The following COL6A3 variants were observed in gnomAD, a reference collection of about 807,000 sequenced individuals.
COL6A3 encodes the protein collagen alpha-3(VI) chain.
A neutral mutation model predicts 274.1 loss-of-function variants in COL6A3; 137 were observed. That is an observed-to-expected ratio of 0.50 (90% confidence interval 0.44 to 0.58). The LOEUF is 0.58. COL6A3 is among the 20% of genes least tolerant of loss of function. COL6A3 has a pLI of 0.00. For missense variants in COL6A3, 3,950 were observed against 4,124.9 expected (o/e 0.96, Z 1.16); for synonymous variants, 1,650 against 1,650.6 (o/e 1.00, Z 0.01).
In COL6A3 at chr2:237,342,000, C is replaced by G. The variant is rs144765607; in HGVS notation, c.7765+65G>C. ...TACAGATCATCATTATTCTCTCACT[C>G]TCCCATGGATATTATGTTTTGCAAT... On this transcript the variant is annotated intron_variant, in intron 37 of 43. Coordinates refer to ENST00000295550, the MANE Select transcript of COL6A3 (RefSeq NM_004369.4). 138 of 1,305,972 alleles carry G rather than the reference C, an allele frequency of 1.1e-4. No homozygotes were observed. In the African/African-American group the frequency reaches 1.9e-3, roughly 18 times the overall value. The allele number at this position is 1,305,972 out of a possible 1,614,324, so 80.9% of individuals were successfully genotyped here. A position where few individuals can be genotyped will look rare whatever the true frequency, so the allele number is the denominator to read the frequency against.
chr2:237,336,058 G>T, intron 40 of COL6A3, 77 bp downstream of exon 40: 1 of 1,542,778 alleles, frequency 6.5e-7, no homozygotes, highest in Non-Finnish European at 8.9e-7. Context: ...TGTGTTACAT[G>T]CAGGCTTTGA....
chr2:237,372,214 G>A lies in COL6A3; in HGVS notation c.3803C>T (p.Thr1268Ile), dbSNP rs749818732. 1.9e-6 allele frequency: 3 copies of A among 1,613,994 alleles called. No individual in the cohort carries two copies. Among genetic ancestry groups the A allele is most frequent in the African/African-American group, 1.3e-5 (1 of 74,932 alleles). The change falls in exon 9 of 44, where the codon ACC (threonine) becomes ATC (isoleucine). Residue 1268 changes from threonine to isoleucine, a missense_variant. By Grantham distance (89) the Thr-to-Ile change is moderately conservative. Coordinates refer to ENST00000295550, the MANE Select transcript of COL6A3 (RefSeq NM_004369.4). ...LVDYLDVGFD[T>I]TRVAVIQFSD... ...GAACTGGATGACAGCCACCCGGGTGGTGTCAAAGCCCACGTCCAGGTAGTC... is the reference window on the plus strand; with the variant it reads ...GAACTGGATGACAGCCACCCGGGTGATGTCAAAGCCCACGTCCAGGTAGTC...
chr2:237,411,493 T>C (rs947753785), intron 1 of COL6A3, among the ~76,000 whole-genome samples: 5 of 152,134 alleles, frequency 3.3e-5, no homozygotes, highest in African/African-American at 1.2e-4. Context: ...AAGAAGGCGG[T>C]CTTGTTTCAA....
rs2077621889 is a variant in COL6A3 at position 237,369,002 on chromosome 2, T to A, written c.4461A>T (p.Glu1487Asp). 6.2e-7 allele frequency: 1 copy of A among 1,614,086 alleles called. No homozygotes were observed. Among genetic ancestry groups the A allele is most frequent in the African/African-American group, 1.3e-5 (1 of 74,920 alleles). The change falls in exon 10 of 44, where the codon GAA becomes GAT. Residue 1487 changes from glutamate (E) to aspartate (D), a missense_variant. Glu to Asp is a conservative substitution (Grantham distance 45). Transcript: ENST00000295550. The stretch of plus-strand genomic sequence containing the variant: ...GGGATCTGTAGGTTTTCAGATAGAA[T>A]TCTGGGAAGACATCATTGCTGAACT... ...VVQFSNDVFPEFYLKTYRSQA... is the reference protein window; with the variant it reads ...VVQFSNDVFPDFYLKTYRSQA...
At chr2:237,333,189 A>G (rs1247169334) in intron 42 of COL6A3, 2 of 547,408 alleles carry the variant, frequency 3.7e-6, no homozygotes, top group East Asian at 6.4e-5. Flanking sequence ...GAAATGTCTA[A>G]TGGATACGTG....
chr2:237,361,694 T>C lies in COL6A3; in HGVS notation c.6156+45A>G, dbSNP rs2077440098. 6.5e-7 allele frequency: 1 copy of C among 1,528,308 alleles called. No individual in the cohort carries two copies. The highest frequency in any genetic ancestry group is 9.1e-7 in the Non-Finnish European group (1 of 1,101,558). The allele number at this position is 1,528,308 out of a possible 1,614,324, so 94.7% of individuals were successfully genotyped here. On this transcript the variant is annotated intron_variant, in intron 15 of 43. Transcript: ENST00000295550. This position sits in a 1 kb window ranked among gnomAD's most constrained non-coding sequence, Gnocchi z 5.1. Reference sequence around the variant, plus strand: ...TACCCCACCAAAGTAATGTCGGGCTTCTGACACCTCATCTCAGGCGTGGGC... The same window carrying C: ...TACCCCACCAAAGTAATGTCGGGCTCCTGACACCTCATCTCAGGCGTGGGC...
In COL6A3 at chr2:237,346,597, G is replaced by A. The variant is rs752169443; in HGVS notation, c.7030-32C>T. The A allele has an allele frequency of 2.5e-6, 4 of 1,588,438 alleles. No individual in the cohort carries two copies. The South Asian group carries it at 3.3e-5, about 13-fold the overall frequency. On this transcript the variant is annotated intron_variant, in intron 31 of 43. Coordinates refer to ENST00000295550, the MANE Select transcript of COL6A3 (RefSeq NM_004369.4). Reference sequence around the variant, plus strand: ...GGAGCAGAACAAACATTGTTCAACTGTGTCAGAAAGTGGAGAATTTAAGGC... The same window carrying A: ...GGAGCAGAACAAACATTGTTCAACTATGTCAGAAAGTGGAGAATTTAAGGC...
intron 14 of COL6A3, 137 bp downstream of exon 14, chr2:237,363,116 A>C: frequency 5.6e-6 from 5 of 888,304 alleles, no homozygotes; most frequent in Non-Finnish European, 5.5e-6. Flanking sequence ...TCCCAAGTGA[A>C]TTAAATAAAT....
At chr2:237,381,558 G>T in intron 4 of COL6A3, 59 bp from the exon 5 acceptor site, 1 of 1,368,656 alleles carries the variant, frequency 7.3e-7, no homozygotes, top group South Asian at 1.2e-5. Context: ...AATCAACAAT[G>T]ACTTTCAACA....
rs747220474 is a variant in COL6A3, at chr2:237,361,741, T to C, written c.6154A>G (p.Lys2052Glu). 2 of 1,614,016 alleles carry C rather than the reference T, an allele frequency of 1.2e-6. No individual in the cohort carries two copies. Among genetic ancestry groups the C allele is most frequent in the African/African-American group, 1.3e-5 (1 of 74,938 alleles). The change falls in exon 15 of 44, where the codon AAG becomes GAG. Residue 2052 changes from lysine (K) to glutamate (E), a missense_variant and splice_region_variant. Lys to Glu is a moderately conservative substitution (Grantham distance 56, BLOSUM62 1). Coordinates refer to ENST00000295550, the MANE Select transcript of COL6A3 (RefSeq NM_004369.4). This position sits in a 1 kb window ranked among gnomAD's most constrained non-coding sequence, Gnocchi z 5.1. The part of the protein sequence containing the change: ...DRGPIGSIGP[K>E]GIPGEDGYRG... ...GGGCAAGGGTAAAGCCACCGTACCTTTGGCCCGATGCTGCCGATGGGCCCG... is the reference window on the plus strand; with the variant it reads ...GGGCAAGGGTAAAGCCACCGTACCTCTGGCCCGATGCTGCCGATGGGCCCG...
chr2:237,381,912 C>G (rs4663732), intron 4 of COL6A3, among the ~76,000 whole-genome samples: 1,851 of 152,316 alleles, frequency 0.012, 66 homozygotes, highest in Admixed American at 0.06. Context: ...TCACAGTCTT[C>G]ATTTCAAAAT....
intron 42 of COL6A3, chr2:237,326,019 G>T (rs1699924571): frequency 7.5e-6 from 2 of 267,952 alleles, no homozygotes; most frequent in South Asian, 2.1e-4. Flanking sequence ...TAAATGAAAT[G>T]AATTGTTTTT....
In COL6A3 at chr2:237,403,596, C is replaced by T. The variant is rs529209510; in HGVS notation, c.-30-6749G>A. Among the ~76,000 whole-genome samples the T allele has an allele frequency of 7.5e-4, 114 of 152,224 alleles. 1 individual carries two copies. The highest frequency in any genetic ancestry group is 2.6e-3 in the African/African-American group (110 of 41,558). On this transcript the variant is annotated intron_variant, in intron 1 of 43. Transcript: ENST00000295550. ...AAGTGACAGCAATGAGTGGTGATAGCGGCAGTATTGCAAAAGCTCAGCCCG... is the reference window on the plus strand; with the variant it reads ...AAGTGACAGCAATGAGTGGTGATAGTGGCAGTATTGCAAAAGCTCAGCCCG...
intron 28 of COL6A3, 96 bp downstream of exon 28, chr2:237,350,051 G>T: frequency 8.7e-7 from 1 of 1,145,374 alleles, no homozygotes; most frequent in Non-Finnish European, 1.3e-6. Context: ...AATACAAGAA[G>T]CAAGGCTCAT....
chr2:237,330,907 C>G (rs60700942), intron 42 of COL6A3, among the ~76,000 whole-genome samples: 1 of 152,184 alleles, frequency 6.6e-6, no homozygotes, highest in East Asian at 1.9e-4. Flanking sequence ...TTCACAGATT[C>G]AAACACAGGT....
Position 237,361,153 on chromosome 2 carries a change from A to G in COL6A3, c.6178T>C (p.Tyr2060His). 6.2e-7 allele frequency: 1 copy of G among 1,614,154 alleles called. No individual in the cohort carries two copies. The highest frequency in any genetic ancestry group is 8.5e-7 in the Non-Finnish European group (1 of 1,179,994). The change falls in exon 16 of 44, where the codon TAC becomes CAC. Residue 2060 changes from tyrosine (Y) to histidine (H), a missense_variant. Around this residue, in one of 5 missense-constraint regions of COL6A3, gnomAD observed 92 missense variants for 143.4 expected, o/e 0.64. Coordinates refer to ENST00000295550, the MANE Select transcript of COL6A3 (RefSeq NM_004369.4). This position sits in a 1 kb window ranked among gnomAD's most constrained non-coding sequence, Gnocchi z 5.1. Reference protein sequence around the residue: ...GPKGIPGEDGYRGYPGDEGGP... With the variant: ...GPKGIPGEDGHRGYPGDEGGP... ...CCCTCATCACCAGGATAGCCTCGGT[A>G]GCCGTCTTCTCCAGGAATACCCTGA...
At chr2:237,406,692 C>T (rs71424967) in intron 1 of COL6A3, among the ~76,000 whole-genome samples, 2,713 of 152,200 alleles carry the variant, frequency 0.018, 51 homozygotes, top group Non-Finnish European at 0.027. Flanking sequence ...TTCTTTTCCT[C>T]AGGGAGGAAG....
At chr2:237,357,431 A>T in intron 22 of COL6A3, 40 bp from the exon 23 acceptor site, 1 of 1,545,920 alleles carries the variant, frequency 6.5e-7, no homozygotes, top group Non-Finnish European at 8.9e-7. Flanking sequence ...TCATCTGCAG[A>T]GAAGAATGTC....
chr2:237,394,736 T>C lies in COL6A3; in HGVS notation c.560A>G (p.Glu187Gly). 1.2e-6 allele frequency: 2 copies of C among 1,614,262 alleles called. No individual in the cohort carries two copies. Among genetic ancestry groups the C allele is most frequent in the Non-Finnish European group, 1.7e-6 (2 of 1,180,050 alleles). Reference protein sequence around the residue: ...VEDADEGALKEIASEPLNMHM... With the variant: ...VEDADEGALKGIASEPLNMHM... The stretch of plus-strand genomic sequence containing the variant: ...CATATTGAGCGGTTCACTTGCTATT[T>C]CTTTTAACGCTCCTTCATCTGCATC... The change falls in exon 3 of 44, where the codon GAA becomes GGA. Residue 187 changes from glutamate to glycine, a missense_variant. By Grantham distance (98) the Glu-to-Gly change is moderately conservative. Transcript: ENST00000295550.
Sources: gnomAD v4.1 joint callset for allele counts (sites outside exome capture counted in the v4.1 genomes callset) on GRCh38, gnomAD v4.1.1 for gene constraint, gnomAD v4.1.1 regional missense constraint, Gnocchi (gnomAD v3.1) non-coding constraint, MANE v1.5 for transcripts, NCBI Gene and HGNC (gene_info 2026-07-23, HGNC 2026-07-21) for gene names.